RAB43: variants seen among roughly 807,000 people sequenced by gnomAD.
RAB43 encodes RAB43, member RAS oncogene family, also known as ras-related protein Rab-43.
In RAB43, 6 loss-of-function variants were observed where a neutral mutation model predicts 18.8. The ratio of observed to expected loss-of-function variants is 0.32; its 90% CI spans 0.17 to 0.63. The LOEUF is 0.63. Among genes scored for constraint, RAB43 ranks in the 30% least tolerant of loss-of-function variants. The pLI is 0.79. For synonymous variants in RAB43, 103 were observed against 124.1 expected (o/e 0.83, Z 1.13); for missense variants, 195 against 289.1 (o/e 0.67, Z 2.36).
chr3:129,108,832 C>A (rs1237172496), intron 1 of RAB43, among the ~76,000 whole-genome samples: 1 of 152,172 alleles, frequency 6.6e-6, no homozygotes, highest in Non-Finnish European at 1.5e-5. Flanking sequence ...ACCACCCTAA[C>A]CAGGTGATCA....
chr3:129,102,232 C>T (rs1295788852), intron 1 of RAB43, among the ~76,000 whole-genome samples: 1 of 152,250 alleles, frequency 6.6e-6, no homozygotes, highest in African/African-American at 2.4e-5. Context: ...TTGCCTCCTT[C>T]TCCAGGTCAG....
intron 1 of RAB43, among the ~76,000 whole-genome samples, chr3:129,098,937 G>A (rs946603781): frequency 1.4e-4 from 21 of 152,014 alleles, no homozygotes; most frequent in Admixed American, 2.6e-4. Context: ...GCCAGGCATC[G>A]TGGTATGCTC....
In RAB43 at chr3:129,107,818, C is replaced by T. The variant is rs78364362; in HGVS notation, c.205-12649G>A. ...AACCCTCAAACCATCCCTCCAGTTCCCTGCTACTTTGGTCATCAACGATGG... is the reference window on the plus strand; with the variant it reads ...AACCCTCAAACCATCCCTCCAGTTCTCTGCTACTTTGGTCATCAACGATGG... On this transcript the variant is annotated intron_variant, in intron 1 of 2. Transcript: ENST00000315150. The surrounding 1 kb of genome is among the most constrained non-coding windows in gnomAD (Gnocchi z 4.2). 0.013 allele frequency among the ~76,000 whole-genome samples: 2,009 copies of T among 152,304 alleles called. 39 individuals carry two copies. The highest frequency in any genetic ancestry group is 0.045 in the African/African-American group (1,882 of 41,570).
chr3:129,094,566 G>C (rs1302520410), intron 2 of RAB43, among the ~76,000 whole-genome samples: 1 of 124,044 alleles, frequency 8.1e-6, no homozygotes, highest in East Asian at 2.6e-4. Flanking sequence ...CCAGGTTGGA[G>C]TGCAGTGGCG....
At chr3:129,092,652 A>G in intron 2 of RAB43, 1 of 531,542 alleles carries the variant, frequency 1.9e-6, no homozygotes, top group East Asian at 3.3e-5. Flanking sequence ...TACTATTTTC[A>G]TAGCTGTATA....
chr3:129,099,153 G>A (rs185034029), intron 1 of RAB43, among the ~76,000 whole-genome samples: 232 of 148,670 alleles, frequency 1.6e-3, no homozygotes, highest in African/African-American at 5.3e-3. Context: ...GTGCAGTGGC[G>A]CGGTCTCGGC....
intron 2 of RAB43, among the ~76,000 whole-genome samples, chr3:129,091,758 AG>A (rs1933672698): frequency 6.6e-6 from 1 of 151,918 alleles, no homozygotes; most frequent in African/African-American, 2.4e-5. Flanking sequence ...TGTGGTTATA[AG>A]GAAGACAAAA....
At chr3:129,103,796 C>G (rs1414020672) in intron 1 of RAB43, among the ~76,000 whole-genome samples, 1 of 152,166 alleles carries the variant, frequency 6.6e-6, no homozygotes, top group Non-Finnish European at 1.5e-5. Flanking sequence ...AACTCCTGAC[C>G]TCAGGTGATC....
Position 129,109,337 on chromosome 3 carries a change from C to G in RAB43, c.204+11949G>C, listed in dbSNP as rs1219918224. The stretch of plus-strand genomic sequence containing the variant: ...AGGCAGGAGAATGGCGTGAACCTGG[C>G]AGGCGGAGCTTGCAGTGAGCCGAGG... On this transcript the variant is annotated intron_variant, in intron 1 of 2. Transcript: ENST00000315150. Among the ~76,000 whole-genome samples, 3 of 148,596 alleles carry G rather than the reference C, an allele frequency of 2.0e-5. No individual in the cohort carries two copies. The East Asian group carries it at 6.0e-4, about 30-fold the overall frequency.
At position 129,121,608 on chromosome 3, in the gene RAB43, C is replaced by A; in HGVS notation, c.-119G>T. ...CGGGCCGCCTGGCTACGTGGAGCCG[C>A]CGCAACACCTGAACCCCCAGCACTG... On this transcript the variant is annotated 5_prime_UTR_variant, in exon 1 of 3. Coordinates refer to ENST00000315150, the MANE Select transcript of RAB43 (RefSeq NM_198490.3). The A allele has an allele frequency of 1.3e-6, 1 of 785,218 alleles. No individual in the cohort carries two copies. The highest frequency in any genetic ancestry group is 1.9e-6 in the Non-Finnish European group (1 of 519,348). The allele number at this position is 785,218 out of a possible 1,614,324, so 48.6% of individuals were successfully genotyped here.
chr3:129,105,402 G>A (rs1455644569), intron 1 of RAB43, among the ~76,000 whole-genome samples: 3 of 152,128 alleles, frequency 2.0e-5, no homozygotes, highest in Non-Finnish European at 2.9e-5. Context: ...GCAGTGAGCC[G>A]AGATCGTGCC....
In RAB43 at chr3:129,090,720, T is replaced by G; in HGVS notation, c.*376A>C. 1 of 235,196 alleles carries G rather than the reference T, an allele frequency of 4.3e-6. No homozygotes were observed. The highest frequency in any genetic ancestry group is 8.4e-6 in the Non-Finnish European group (1 of 118,524). The allele number at this position is 235,196 out of a possible 1,614,324, so 14.6% of individuals were successfully genotyped here. A position where few individuals can be genotyped will look rare whatever the true frequency, so the allele number is the denominator to read the frequency against. On this transcript the variant is annotated 3_prime_UTR_variant, in exon 3 of 3. Coordinates refer to ENST00000315150, the MANE Select transcript of RAB43 (RefSeq NM_198490.3). ...GAACCCAGGGCACTGGACACATCCC[T>G]GGAAAGCAGCAACCTGCTGCCACAG...
At chr3:129,091,999 A>T (rs776720138) in intron 2 of RAB43, among the ~76,000 whole-genome samples, 1 of 150,546 alleles carries the variant, frequency 6.6e-6, no homozygotes, top group Non-Finnish European at 1.5e-5. Context: ...CGGAGGTTGC[A>T]GTGAGCCGAG....
rs1334812918 is a variant in RAB43 at position 129,105,590 on chromosome 3, G to A, written c.205-10421C>T. Reference sequence around the variant, plus strand: ...AAGGTCAAGATTCGAGACCAGCCTGGCCAACATAGTGAAACGCTGTTTCTA... The same window carrying A: ...AAGGTCAAGATTCGAGACCAGCCTGACCAACATAGTGAAACGCTGTTTCTA... On this transcript the variant is annotated intron_variant, in intron 1 of 2. Coordinates refer to ENST00000315150, the MANE Select transcript of RAB43 (RefSeq NM_198490.3). 2.0e-5 allele frequency among the ~76,000 whole-genome samples: 3 copies of A among 152,194 alleles called. No homozygotes were observed. The East Asian group carries it at 5.8e-4, about 29-fold the overall frequency.
chr3:129,114,335 G>A (rs1456323699), intron 1 of RAB43, among the ~76,000 whole-genome samples: 4 of 152,228 alleles, frequency 2.6e-5, no homozygotes, highest in East Asian at 3.9e-4. Flanking sequence ...GTGTGTTTGC[G>A]GTAGTAGGAG....
chr3:129,108,252 C>A (rs1934914242), intron 1 of RAB43, among the ~76,000 whole-genome samples: 1 of 152,198 alleles, frequency 6.6e-6, no homozygotes, highest in Admixed American at 6.5e-5. Context: ...ACTCAGCACA[C>A]CTCCCTAGGA....
At chr3:129,121,108 G>C (rs1935894637) in intron 1 of RAB43, among the ~76,000 whole-genome samples, 178 bp downstream of exon 1, 1 of 133,764 alleles carries the variant, frequency 7.5e-6, no homozygotes, top group African/African-American at 2.9e-5. Flanking sequence ...GCGCTTTGAG[G>C]ACTTGAACCC....
chr3:129,100,846 G>A (rs559131805), intron 1 of RAB43, among the ~76,000 whole-genome samples: 9 of 152,116 alleles, frequency 5.9e-5, no homozygotes, highest in East Asian at 5.8e-4. Context: ...TCGCTCTGTC[G>A]CCCAGGCTGG....
chr3:129,121,255 C>T (rs766407969), intron 1 of RAB43, 31 bp downstream of exon 1: 5 of 1,556,214 alleles, frequency 3.2e-6, no homozygotes, highest in Non-Finnish European at 4.4e-6. Flanking sequence ...TCCGAGGGAG[C>T]GCCTTCCAGG....
Sources: gnomAD v4.1 joint callset for allele counts (sites outside exome capture counted in the v4.1 genomes callset) on GRCh38, gnomAD v4.1.1 for gene constraint, Gnocchi (gnomAD v3.1) non-coding constraint, MANE v1.5 for transcripts, NCBI Gene and HGNC (gene_info 2026-07-23, HGNC 2026-07-21) for gene names.